Variants in SORCS2 observed in about 807,000 individuals in gnomAD.
SORCS2 encodes the protein VPS10 domain-containing receptor SorCS2.
Under a neutral mutation model 141.6 loss-of-function variants are expected in SORCS2, and 100 were observed. That is an observed-to-expected ratio of 0.71 (90% CI 0.60 to 0.83). The LOEUF (loss-of-function observed/expected upper bound fraction) is 0.83. Among genes scored for constraint, SORCS2 ranks in the 40% least tolerant of loss-of-function variants. The pLI, the probability that SORCS2 is intolerant of heterozygous loss-of-function variation, is 0.00. For missense variants in SORCS2, 1,646 were observed against 1,560.2 expected (o/e 1.05, Z -0.93); for synonymous variants, 789 against 676.9 (o/e 1.17, Z -2.57).
intron 3 of SORCS2, among the ~76,000 whole-genome samples, chr4:7,626,199 A>G (rs1351231146): frequency 6.6e-6 from 1 of 152,198 alleles, no homozygotes; most frequent in Non-Finnish European, 1.5e-5. Context: ...TGAAATACCG[A>G]CCATTCATAG....
intron 2 of SORCS2, among the ~76,000 whole-genome samples, chr4:7,425,428 G>A (rs943433324): frequency 1.3e-5 from 2 of 152,194 alleles, no homozygotes; most frequent in Non-Finnish European, 2.9e-5. Context: ...CCCGTGTCCT[G>A]GGAATGGCAG....
In SORCS2 at chr4:7,714,522, C is replaced by T. The variant is rs1726057394; in HGVS notation, c.2123+149C>T. The stretch of plus-strand genomic sequence containing the variant: ...CGCACACTGCCACTTCTGCCTCATT[C>T]CATCTGTTAGAACCAAGTCACCAAG... On this transcript the variant is annotated intron_variant, in intron 16 of 26. Transcript: ENST00000507866. The T allele has an allele frequency of 7.7e-6, 7 of 904,098 alleles. No homozygotes were observed. The East Asian group carries it at 1.6e-4, about 21-fold the overall frequency. 56.0% of individuals were successfully genotyped at this position (904,098 alleles called of 1,614,324 possible). A position where few individuals can be genotyped will look rare whatever the true frequency, so the allele number is the denominator to read the frequency against.
At chr4:7,623,819 C>A (rs923756905) in intron 3 of SORCS2, among the ~76,000 whole-genome samples, 1 of 152,174 alleles carries the variant, frequency 6.6e-6, no homozygotes, top group African/African-American at 2.4e-5. Context: ...CCAAAGACAA[C>A]GAGGTTGTTC....
intron 1 of SORCS2, among the ~76,000 whole-genome samples, chr4:7,381,739 C>G (rs4367172): frequency 6.6e-6 from 1 of 152,046 alleles, no homozygotes; most frequent in Non-Finnish European, 1.5e-5. Context: ...TCCTGACTCC[C>G]GCCCCCACCC....
chr4:7,577,074 G>A (rs1715801902), intron 3 of SORCS2, among the ~76,000 whole-genome samples: 1 of 152,194 alleles, frequency 6.6e-6, no homozygotes, highest in African/African-American at 2.4e-5. Context: ...TTTAGGCACA[G>A]TCCTGTCAGA....
At chr4:7,543,743 C>T (rs913153647) in intron 3 of SORCS2, among the ~76,000 whole-genome samples, 33 of 34,210 alleles carry the variant, frequency 9.6e-4, no homozygotes, top group African/African-American at 1.8e-3. Context: ...CACCCATCCA[C>T]CCATCCACCC....
intron 1 of SORCS2, among the ~76,000 whole-genome samples, chr4:7,393,287 T>C (rs1415264629): frequency 6.6e-6 from 1 of 152,128 alleles, no homozygotes; most frequent in Admixed American, 6.5e-5. Context: ...TGTGTGGCCC[T>C]GACTCACATT....
At chr4:7,380,837 A>G (rs919906586) in intron 1 of SORCS2, among the ~76,000 whole-genome samples, 15 of 152,332 alleles carry the variant, frequency 9.8e-5, no homozygotes, top group African/African-American at 2.4e-4. Flanking sequence ...TGTAATCCCA[A>G]CACTTTGGGA....
chr4:7,654,259 G>A, intron 5 of SORCS2, 52 bp downstream of exon 5: 5 of 1,535,066 alleles, frequency 3.3e-6, no homozygotes, highest in Non-Finnish European at 3.5e-6. Context: ...TCTGGTGAGA[G>A]CACTTCCCCC....
intron 3 of SORCS2, among the ~76,000 whole-genome samples, chr4:7,602,907 G>A (rs1048253001): frequency 6.6e-5 from 10 of 152,224 alleles, no homozygotes; most frequent in South Asian, 2.1e-4. Flanking sequence ...CTGCAATCCC[G>A]GCACCTCGGG....
chr4:7,606,271 G>A (rs538630005), intron 3 of SORCS2, among the ~76,000 whole-genome samples: 56 of 152,226 alleles, frequency 3.7e-4, no homozygotes, highest in African/African-American at 1.3e-3. Context: ...ACAACCTGCC[G>A]GAGAATAGAG....
intron 1 of SORCS2, among the ~76,000 whole-genome samples, chr4:7,322,493 C>A (rs77548481): frequency 6.6e-6 from 1 of 152,182 alleles, no homozygotes; most frequent in Non-Finnish European, 1.5e-5. Flanking sequence ...GCCTCATCTC[C>A]GCTCTACCAG....
At chr4:7,668,368 G>A (rs1722616598) in intron 8 of SORCS2, among the ~76,000 whole-genome samples, 1 of 152,186 alleles carries the variant, frequency 6.6e-6, no homozygotes, top group African/African-American at 2.4e-5. Context: ...GGGATGGGGA[G>A]GGACTCTTTA....
intron 6 of SORCS2, 111 bp downstream of exon 6, chr4:7,661,675 C>A (rs1393522821): frequency 2.0e-6 from 2 of 984,718 alleles, no homozygotes; most frequent in African/African-American, 1.7e-5. Context: ...CCCTACACAG[C>A]CGGCCTCACT....
chr4:7,362,886 A>G (rs958143777), intron 1 of SORCS2, among the ~76,000 whole-genome samples: 13 of 149,210 alleles, frequency 8.7e-5, no homozygotes, highest in African/African-American at 2.5e-4. Flanking sequence ...CACCTCTACC[A>G]TCATTCCTAC....
chr4:7,667,965 C>T (rs1187339526), intron 8 of SORCS2, among the ~76,000 whole-genome samples: 2 of 152,212 alleles, frequency 1.3e-5, no homozygotes, highest in Non-Finnish European at 2.9e-5. Flanking sequence ...CAGCCTCATG[C>T]CACACCTCCC....
intron 2 of SORCS2, among the ~76,000 whole-genome samples, chr4:7,481,664 T>C (rs11936696): frequency 0.21 from 32,116 of 151,856 alleles, 3,708 homozygotes; most frequent in African/African-American, 0.31. Context: ...GGGGCTTCCC[T>C]GGAGCCGTAG....
At chr4:7,474,710 G>T (rs1173502380) in intron 2 of SORCS2, among the ~76,000 whole-genome samples, 1 of 152,212 alleles carries the variant, frequency 6.6e-6, no homozygotes, top group East Asian at 1.9e-4. Flanking sequence ...CGAGACTGGG[G>T]TCTGGAAGTT....
intron 4 of SORCS2, among the ~76,000 whole-genome samples, chr4:7,653,209 C>T (rs1392360550): frequency 6.6e-6 from 1 of 152,194 alleles, no homozygotes; most frequent in Non-Finnish European, 1.5e-5. Flanking sequence ...TGCTCTCTTG[C>T]CCCCTCAGCC....
Sources: allele counts gnomAD v4.1 joint callset (sites outside exome capture counted in the v4.1 genomes callset), GRCh38; gene constraint gnomAD v4.1.1; transcripts MANE v1.5; gene names NCBI Gene and HGNC (gene_info 2026-07-23, HGNC 2026-07-21).